The following ART5 variants were observed in gnomAD, a reference collection of about 807,000 sequenced individuals.
ART5 encodes the protein ADP-ribosyltransferase 5.
Under a neutral mutation model 25.0 loss-of-function variants are expected in ART5, and 22 were observed. That is an observed-to-expected ratio of 0.88 (90% confidence interval 0.63 to 1.26). The LOEUF is 1.26. Ranked by LOEUF, ART5 falls within the 50% of genes most tolerant of loss-of-function variation. The pLI is 0.00. For synonymous variants in ART5, 161 were observed against 154.8 expected, an observed-to-expected ratio of 1.04 and a Z score of -0.30; for missense variants, 402 against 372.8, an observed-to-expected ratio of 1.08 and a Z score of -0.64.
chr11:3,642,343 G>T, upstream of ART5: 11 of 982,934 alleles, frequency 1.1e-5, no homozygotes, highest in Non-Finnish European at 1.3e-5. Context: ...CGCACGCGGG[G>T]CCGGGAGCGG....
intron 1 of ART5, among the ~76,000 whole-genome samples, chr11:3,641,015 T>C (rs537426644): frequency 1.8e-4 from 27 of 152,276 alleles, no homozygotes; most frequent in Admixed American, 5.2e-4. Context: ...AGTGCTGGGA[T>C]TACAGGAGTG....
At position 3,641,799 on chromosome 11, in the gene ART5, G is replaced by T. The variant is rs113595429; in HGVS notation, c.57+7C>A. On this transcript the variant is annotated splice_region_variant and intron_variant, in intron 1 of 3. Coordinates refer to ENST00000397068, the MANE Select transcript of ART5 (RefSeq NM_053017.5). ...CCTTGGGGCTAGGAGATGGTTCCTG[G>T]AGTTACCTGCCAGGTGTGGAGGCCG... 8,753 of 1,574,354 alleles carry T rather than the reference G, an allele frequency of 5.6e-3. 418 individuals are homozygous for T. The African/African-American group carries it at 0.1, about 18-fold the overall frequency.
In ART5 at chr11:3,638,732, T is replaced by C. The variant is rs1012732168; in HGVS notation, c.*6A>G. ...AGGGCTGGGTCCGGAACCATGTTCT[T>C]GCTTCTCAAGGCTGCTGGAGGTGCC... On this transcript the variant is annotated 3_prime_UTR_variant, in exon 4 of 4. Transcript: ENST00000397068. 1.2e-6 allele frequency: 2 copies of C among 1,614,040 alleles called. No individual in the cohort carries two copies. Among genetic ancestry groups the C allele is most frequent in the Non-Finnish European group, 1.7e-6 (2 of 1,180,030 alleles).
At chr11:3,638,860 G>A (rs1460002246) in intron 3 of ART5, 67 bp from the exon 4 acceptor site, 24 of 1,613,804 alleles carry the variant, frequency 1.5e-5, no homozygotes, top group South Asian at 3.3e-5. Flanking sequence ...GGGGCCAAGA[G>A]CAGAGTCTTC....
At chr11:3,641,745 C>T in intron 1 of ART5, 61 bp downstream of exon 1, 2 of 1,548,418 alleles carry the variant, frequency 1.3e-6, no homozygotes, top group Non-Finnish European at 1.7e-6. Context: ...CCCGGGTCCA[C>T]TTCCTCAGGG....
chr11:3,640,471 T>A, intron 1 of ART5, 100 bp from the exon 2 acceptor site: 1 of 1,398,764 alleles, frequency 7.1e-7, no homozygotes, highest in South Asian at 1.5e-5. Flanking sequence ...GAATCTCATT[T>A]CTATCCCTAA....
At chr11:3,639,374 A>T (rs2077358738) in intron 2 of ART5, among the ~76,000 whole-genome samples, 1 of 152,030 alleles carries the variant, frequency 6.6e-6, no homozygotes, top group Non-Finnish European at 1.5e-5. Context: ...AATCTCCTTA[A>T]CCAGGTTCTT....
At position 3,638,941 on chromosome 11, in the gene ART5, G is replaced by A. The variant is rs552756855; in HGVS notation, c.820+62C>T. The A allele has an allele frequency of 3.2e-6, 5 of 1,576,452 alleles. No homozygotes were observed. The East Asian group carries it at 9.4e-5, about 30-fold the overall frequency. ...ACCCCTGCTGAAGGGAAAAGAGGAG[G>A]AAGGGGTCAGCAGGGTGAGGGGGAG... On this transcript the variant is annotated intron_variant, in intron 3 of 3. Transcript: ENST00000397068.
chr11:3,642,373 G>T, upstream of ART5: 2 of 781,612 alleles, frequency 2.6e-6, no homozygotes, highest in Non-Finnish European at 3.1e-6. Flanking sequence ...GGCAGGGACT[G>T]AGGAGCAATT....
At chr11:3,641,775 C>T (rs770723202) in intron 1 of ART5, 31 bp downstream of exon 1, 1 of 1,563,932 alleles carries the variant, frequency 6.4e-7, no homozygotes, top group South Asian at 1.2e-5. Context: ...TAATGTCCCC[C>T]TTGGGGCTAG....
intron 3 of ART5, 64 bp from the exon 4 acceptor site, chr11:3,638,857 A>G (rs2077349503): frequency 6.2e-7 from 1 of 1,614,008 alleles, no homozygotes; most frequent in African/African-American, 1.3e-5. Flanking sequence ...CCAGGGGCCA[A>G]GAGCAGAGTC....
At chr11:3,639,077 C>G (rs759708993) in intron 2 of ART5, 42 bp from the exon 3 acceptor site, 19 of 1,548,316 alleles carry the variant, frequency 1.2e-5, no homozygotes, top group Non-Finnish European at 1.6e-5. Flanking sequence ...TGGACAGACT[C>G]GCACCCAAAC....
chr11:3,641,863 C>T lies in ART5; in HGVS notation c.-1G>A. 1 of 1,570,794 alleles carries T rather than the reference C, an allele frequency of 6.4e-7. No individual in the cohort carries two copies. Among genetic ancestry groups the T allele is most frequent in the Non-Finnish European group, 8.6e-7 (1 of 1,158,482 alleles). Reference sequence around the variant, plus strand: ...CGATCATCAAAGCCGCCAGCGCCATCCCTGGAGGAGACGTGAGGGCCAGGG... The same window carrying T: ...CGATCATCAAAGCCGCCAGCGCCATTCCTGGAGGAGACGTGAGGGCCAGGG... On this transcript the variant is annotated 5_prime_UTR_variant, in exon 1 of 4. Transcript: ENST00000397068.
intron 1 of ART5, 122 bp from the exon 2 acceptor site, chr11:3,640,493 A>C (rs2077379977): frequency 6.9e-6 from 9 of 1,308,168 alleles, no homozygotes; most frequent in Non-Finnish European, 8.1e-6. Flanking sequence ...TATCAGGTAT[A>C]TGCAATTTGG....
chr11:3,641,809 C>A lies in ART5; in HGVS notation c.54G>T (p.Trp18Cys). Residue 18 changes from tryptophan to cysteine, a missense_variant, in exon 1 of 4, where the codon TGG (tryptophan) becomes TGT (cysteine). Coordinates refer to ENST00000397068, the MANE Select transcript of ART5 (RefSeq NM_053017.5). Reference sequence around the variant, plus strand: ...AGGAGATGGTTCCTGGAGTTACCTGCCAGGTGTGGAGGCCGAGGCTGCCGA... The same window carrying A: ...AGGAGATGGTTCCTGGAGTTACCTGACAGGTGTGGAGGCCGAGGCTGCCGA... Reference protein sequence around the residue: ...IALGSLGLHTWQAQAVPILPL... With the variant: ...IALGSLGLHTCQAQAVPILPL... 6.3e-7 allele frequency: 1 copy of A among 1,577,096 alleles called. No individual in the cohort carries two copies. The highest frequency in any genetic ancestry group is 8.6e-7 in the Non-Finnish European group (1 of 1,161,852).
rs2077361294 is a variant in ART5, at chr11:3,639,623, T to TC, written c.787+18dup. 1.9e-6 allele frequency: 3 copies of TC among 1,587,354 alleles called. No homozygotes were observed. The highest frequency in any genetic ancestry group is 2.6e-6 in the Non-Finnish European group (3 of 1,167,456). On this transcript the variant is annotated intron_variant, in intron 2 of 3. Transcript: ENST00000397068. Reference sequence around the variant, plus strand: ...TTTCACCCACACTGCCAGTCCTGCTTCCCCCATGCACAGCTTACCACCCAG... The same window carrying TC: ...TTTCACCCACACTGCCAGTCCTGCTTCCCCCCATGCACAGCTTACCACCCAG...
chr11:3,642,318 C>T (rs2077418299), upstream of ART5: 11 of 1,001,332 alleles, frequency 1.1e-5, no homozygotes, highest in Non-Finnish European at 1.3e-5. Flanking sequence ...TAACCCGACA[C>T]CCCTTTCCCA....
intron 3 of ART5, 34 bp from the exon 4 acceptor site, chr11:3,638,827 C>T (rs762998430): frequency 2.5e-6 from 4 of 1,614,128 alleles, no homozygotes; most frequent in Middle Eastern, 1.6e-4. Flanking sequence ...CAGGGCCCAA[C>T]CCCTGAGAGC....
chr11:3,641,912 G>A lies in ART5; in HGVS notation c.-50C>T, dbSNP rs368588127. 344 of 1,547,100 alleles carry A rather than the reference G, an allele frequency of 2.2e-4. No individual in the cohort carries two copies. The highest frequency in any genetic ancestry group is 2.9e-4 in the Non-Finnish European group (335 of 1,147,578). ...GGGTCCGGGTGAGGGCGGGACCAGA[G>A]GTGCTGGAGTCCTGGTTTCGAGGGG... On this transcript the variant is annotated 5_prime_UTR_variant, in exon 1 of 4. Coordinates refer to ENST00000397068, the MANE Select transcript of ART5 (RefSeq NM_053017.5).
Sources: gnomAD v4.1 joint callset for allele counts (sites outside exome capture counted in the v4.1 genomes callset) on GRCh38, gnomAD v4.1.1 for gene constraint, MANE v1.5 for transcripts, NCBI Gene and HGNC (gene_info 2026-07-23, HGNC 2026-07-21) for gene names.